Variants in PCDHGA5 observed in about 807,000 individuals in gnomAD.
The protein encoded by PCDHGA5 is protocadherin gamma subfamily A, 5, also known as protocadherin gamma-A5.
Under a neutral mutation model 56.7 loss-of-function variants are expected in PCDHGA5, and 36 were observed. The observed-to-expected ratio is 0.64, with a 90% CI of 0.49 to 0.84. The LOEUF (loss-of-function observed/expected upper bound fraction) is 0.84, where lower values mean the gene tolerates loss of function less well. Among genes scored for constraint, PCDHGA5 ranks in the 40% least tolerant of loss-of-function variants. The pLI, the probability that PCDHGA5 is intolerant of heterozygous loss-of-function variation, is 0.00. For synonymous variants in PCDHGA5, 563 were observed against 520.2 expected, an observed-to-expected ratio of 1.08 and a Z score of -1.12; for missense variants, 1,305 against 1,201.5, an observed-to-expected ratio of 1.09 and a Z score of -1.27.
intron 1 of PCDHGA5, chr5:141,399,517 G>A: frequency 1.9e-6 from 3 of 1,613,998 alleles, no homozygotes; most frequent in Non-Finnish European, 2.5e-6. Flanking sequence ...CAACCCTCCT[G>A]GGGCCTCCAT....
intron 1 of PCDHGA5, chr5:141,478,359 G>A: frequency 6.2e-7 from 1 of 1,613,734 alleles, no homozygotes; most frequent in Non-Finnish European, 8.5e-7. Flanking sequence ...GACGCCGTGC[G>A]GGGAGGCCTG....
intron 1 of PCDHGA5, chr5:141,390,423 C>T: frequency 9.4e-7 from 1 of 1,058,546 alleles, no homozygotes; most frequent in Non-Finnish European, 1.3e-6. Context: ...AGTTAAAAAG[C>T]TGTCATATCA....
chr5:141,375,231 C>A, intron 1 of PCDHGA5: 1 of 1,613,964 alleles, frequency 6.2e-7, no homozygotes. Context: ...GGCCTGGTAA[C>A]CTGTTCCATC....
Position 141,456,465 on chromosome 5 carries a change from C to T in PCDHGA5, c.2422-38342C>T, listed in dbSNP as rs553441797. ...ACAGAGTCCAAATATCAATACAAGA[C>T]ATATAAGCAAGAGAGTGCTTAATAA... On this transcript the variant is annotated intron_variant, in intron 1 of 3. Coordinates refer to ENST00000518069, the MANE Select transcript of PCDHGA5 (RefSeq NM_018918.3). 2.6e-5 allele frequency among the ~76,000 whole-genome samples: 4 copies of T among 152,212 alleles called. No homozygotes were observed. In the East Asian group the frequency reaches 7.7e-4, roughly 29 times the overall value.
intron 1 of PCDHGA5, chr5:141,479,468 T>C (rs1473966646): frequency 1.3e-5 from 2 of 152,248 alleles, no homozygotes; most frequent in African/African-American, 4.8e-5. Context: ...TACAGTGACC[T>C]CTTGGGAGGG....
Position 141,431,344 on chromosome 5 carries a change from G to T in PCDHGA5, c.2422-63463G>T. On this transcript the variant is annotated intron_variant, in intron 1 of 3. Coordinates refer to ENST00000518069, the MANE Select transcript of PCDHGA5 (RefSeq NM_018918.3). This position sits in a 1 kb window ranked among gnomAD's most constrained non-coding sequence, Gnocchi z 4.8. ...ACGGTAGTAAGTACCCCGAATTGGT[G>T]CTGAAACGCGCCCTGGACCGCGAAG... 1 of 1,614,078 alleles carries T rather than the reference G, an allele frequency of 6.2e-7. No individual in the cohort carries two copies. The highest frequency in any genetic ancestry group is 1.3e-5 in the African/African-American group (1 of 75,068).
At chr5:141,415,746 T>G (rs766611858) in intron 1 of PCDHGA5, 17 of 662,556 alleles carry the variant, frequency 2.6e-5, no homozygotes, top group East Asian at 1.1e-4. Context: ...TAAGGTTTTT[T>G]TTTTTTTTTT....
intron 1 of PCDHGA5, chr5:141,399,738 G>T: frequency 1.2e-6 from 2 of 1,613,268 alleles, no homozygotes; most frequent in South Asian, 2.2e-5. Flanking sequence ...GCTCGCCTGC[G>T]CTCAGCGCAA....
intron 1 of PCDHGA5, among the ~76,000 whole-genome samples, chr5:141,475,285 A>G (rs2099361212): frequency 6.6e-6 from 1 of 152,244 alleles, no homozygotes; most frequent in Non-Finnish European, 1.5e-5. Context: ...AAGACAGGGT[A>G]GGGAAATTTC....
At position 141,476,395 on chromosome 5, in the gene PCDHGA5, T is replaced by C. The variant is rs545562470; in HGVS notation, c.2422-18412T>C. 4 of 1,614,020 alleles carry C rather than the reference T, an allele frequency of 2.5e-6. 1 individual carries two copies. In the South Asian group the frequency reaches 4.4e-5, roughly 18 times the overall value. On this transcript the variant is annotated intron_variant, in intron 1 of 3. Transcript: ENST00000518069. This position sits in a 1 kb window ranked among gnomAD's most constrained non-coding sequence, Gnocchi z 7.6. ...AGATGTTTGTGAACGACCGTCTGGATCGAGAGGAGCTGTGTGGGACACTGC... is the reference window on the plus strand; with the variant it reads ...AGATGTTTGTGAACGACCGTCTGGACCGAGAGGAGCTGTGTGGGACACTGC...
intron 1 of PCDHGA5, chr5:141,409,838 G>T: frequency 6.2e-7 from 1 of 1,611,532 alleles, no homozygotes; most frequent in Non-Finnish European, 8.5e-7. Context: ...CAGCGCCAAC[G>T]TGAGCCTGCG....
rs1289333371 is a variant in PCDHGA5, at chr5:141,460,404, G to C, written c.2422-34403G>C. Among the ~76,000 whole-genome samples, 21 of 152,038 alleles carry C rather than the reference G, an allele frequency of 1.4e-4. 1 individual carries two copies. The highest frequency in any genetic ancestry group is 1.4e-3 in the Admixed American group (21 of 15,256). Reference sequence around the variant, plus strand: ...TATAATTTGGTCTATGAATCCTTTTGAGTTGATGTTTATGTATGGTGTATG... The same window carrying C: ...TATAATTTGGTCTATGAATCCTTTTCAGTTGATGTTTATGTATGGTGTATG... On this transcript the variant is annotated intron_variant, in intron 1 of 3. Transcript: ENST00000518069.
chr5:141,377,447 A>T (rs1397371836), intron 1 of PCDHGA5: 1 of 152,082 alleles, frequency 6.6e-6, no homozygotes, highest in African/African-American at 2.4e-5. Context: ...AAGAAAAAAA[A>T]GTAGCCAGAT....
chr5:141,459,862 C>T (rs931723906), intron 1 of PCDHGA5, among the ~76,000 whole-genome samples: 3 of 152,158 alleles, frequency 2.0e-5, no homozygotes, highest in East Asian at 1.9e-4. Context: ...TTGAAGCATT[C>T]GTTCATCTTT....
intron 1 of PCDHGA5, chr5:141,384,121 A>G (rs1779757093): frequency 1.2e-6 from 2 of 1,609,374 alleles, no homozygotes; most frequent in African/African-American, 1.3e-5. Context: ...GGTCACAACC[A>G]AAAACTTGGA....
intron 1 of PCDHGA5, among the ~76,000 whole-genome samples, chr5:141,483,021 G>A (rs543104114): frequency 6.6e-6 from 1 of 152,126 alleles, no homozygotes; most frequent in East Asian, 1.9e-4. Context: ...GGAGGCAGAG[G>A]TTGCAATGAG....
chr5:141,475,708 C>G (rs2099367415), intron 1 of PCDHGA5, among the ~76,000 whole-genome samples: 1 of 152,238 alleles, frequency 6.6e-6, no homozygotes, highest in African/African-American at 2.4e-5. Flanking sequence ...AACGGCTAGC[C>G]TCACAGCCCC....
chr5:141,477,572 G>T lies in PCDHGA5; in HGVS notation c.2422-17235G>T, dbSNP rs375416133. The T allele has an allele frequency of 6.2e-7, 1 of 1,614,112 alleles. No homozygotes were observed. Among genetic ancestry groups the T allele is most frequent in the South Asian group, 1.1e-5 (1 of 91,072 alleles). ...AAACCTAAGTGTCTGGGACCCCGAC[G>T]CCCCGCAGAATGCTCGGCTTTCTTT... On this transcript the variant is annotated intron_variant, in intron 1 of 3. Transcript: ENST00000518069. The surrounding 1 kb of genome is among the most constrained non-coding windows in gnomAD (Gnocchi z 4.9).
At chr5:141,422,202 T>C (rs1272540004) in intron 1 of PCDHGA5, 1 of 1,561,656 alleles carries the variant, frequency 6.4e-7, no homozygotes, top group Admixed American at 2.0e-5. Flanking sequence ...GCCAAGATGG[T>C]GGAGGTCTCT....
Sources: allele counts gnomAD v4.1 joint callset (sites outside exome capture counted in the v4.1 genomes callset), GRCh38; gene constraint gnomAD v4.1.1; non-coding constraint Gnocchi (gnomAD v3.1); transcripts MANE v1.5; gene names NCBI Gene and HGNC (gene_info 2026-07-23, HGNC 2026-07-21).